The following TRIM5 variants were observed in gnomAD, a reference collection of about 807,000 sequenced individuals.
The protein encoded by TRIM5 is tripartite motif containing 5, also known as tripartite motif-containing protein 5.
A neutral mutation model predicts 35.6 loss-of-function variants in TRIM5; 31 were observed. That is an observed-to-expected ratio of 0.87 (90% CI 0.65 to 1.18). The LOEUF (loss-of-function observed/expected upper bound fraction) is 1.18. Among genes scored for constraint, TRIM5 ranks in the 50% most tolerant of loss-of-function variants. The pLI, the probability that TRIM5 is intolerant of heterozygous loss-of-function variation, is 0.00. For synonymous variants in TRIM5, 243 were observed against 215.6 expected, an observed-to-expected ratio of 1.13 and a Z score of -1.11; for missense variants, 609 against 591.6, an observed-to-expected ratio of 1.03 and a Z score of -0.31.
the TRIM5 span, chr11:5,604,756 G>C: frequency 3.1e-6 from 3 of 967,666 alleles, no homozygotes; most frequent in Admixed American, 2.9e-5. Context: ...CCCTTTGCCT[G>C]GTCCTCCACT....
intron 4 of TRIM5, among the ~76,000 whole-genome samples, chr11:5,671,759 G>C (rs1476769148): frequency 6.6e-6 from 1 of 152,004 alleles, no homozygotes; most frequent in East Asian, 1.9e-4. Flanking sequence ...TTTAAAACCT[G>C]TTTTAAGATC....
In TRIM5 at chr11:5,665,930, C is replaced by T. The variant is rs377737943; in HGVS notation, c.868+51G>A. 41 of 1,558,000 alleles carry T rather than the reference C, an allele frequency of 2.6e-5. No homozygotes were observed. The African/African-American group carries it at 5.4e-4, about 20-fold the overall frequency. On this transcript the variant is annotated intron_variant, in intron 6 of 7. Transcript: ENST00000380034. ...CTGCACCCTCTTCCCTATTTAGCAC[C>T]CTAACACCACTTGAATTCCATAACC...
chr11:5,604,477 T>C, the TRIM5 span: 1 of 1,561,186 alleles, frequency 6.4e-7, no homozygotes, highest in Non-Finnish European at 8.7e-7. Flanking sequence ...ATTCTATGTC[T>C]GGGTACTGAG....
At chr11:5,662,572 C>A (rs1372881320), downstream of TRIM5, among the ~76,000 whole-genome samples, 1 of 152,086 alleles carries the variant, frequency 6.6e-6, no homozygotes, top group Non-Finnish European at 1.5e-5. Context: ...ACTTGGCAAA[C>A]AGGAAAAATT....
the TRIM5 span, chr11:5,644,251 C>A: frequency 2.5e-6 from 1 of 398,822 alleles, no homozygotes; most frequent in East Asian, 3.6e-5. Flanking sequence ...TGAATACTTT[C>A]TCAGTTTCTT....
the TRIM5 span, among the ~76,000 whole-genome samples, chr11:5,608,868 T>TTTTTTTTTTA: frequency 2.7e-5 from 4 of 146,780 alleles, no homozygotes; most frequent in Non-Finnish European, 4.5e-5. Flanking sequence ...TTTTTTTTTT[T>TTTTTTTTTTA]GAGACAGAGT....
At chr11:5,603,114 A>T in the TRIM5 span, 1 of 1,436,638 alleles carries the variant, frequency 7.0e-7, no homozygotes, top group South Asian at 1.5e-5. Flanking sequence ...TAAAGAACGT[A>T]TTGGATATGA....
the TRIM5 span, among the ~76,000 whole-genome samples, chr11:5,620,461 A>G: frequency 3.3e-5 from 5 of 151,896 alleles, no homozygotes; most frequent in South Asian, 2.1e-4. Context: ...TCAGCCTCCT[A>G]TAGTGCTGGG....
At chr11:5,611,022 A>C in the TRIM5 span, 12 of 1,614,034 alleles carry the variant, frequency 7.4e-6, no homozygotes, top group African/African-American at 1.6e-4. Context: ...ATTCTCTTTC[A>C]ACCATTTTGC....
the TRIM5 span, among the ~76,000 whole-genome samples, chr11:5,614,985 C>A: frequency 6.6e-6 from 1 of 152,096 alleles, no homozygotes; most frequent in Non-Finnish European, 1.5e-5. Context: ...TTGATATATT[C>A]TCCATTCTAT....
the TRIM5 span, among the ~76,000 whole-genome samples, chr11:5,600,021 C>T: frequency 2.0e-5 from 3 of 152,132 alleles, no homozygotes; most frequent in Non-Finnish European, 4.4e-5. Flanking sequence ...GTGCAGTTCC[C>T]ACAGGTGTGA....
chr11:5,599,089 T>G, the TRIM5 span, among the ~76,000 whole-genome samples: 6 of 152,222 alleles, frequency 3.9e-5, no homozygotes, highest in Non-Finnish European at 5.9e-5. Context: ...TTGGGTTCTT[T>G]CACTTTGCAT....
At chr11:5,684,260 G>A (rs937446) in intron 1 of TRIM5, 41,276 of 152,426 alleles carry the variant, frequency 0.27, 6,093 homozygotes, top group Non-Finnish European at 0.33. Flanking sequence ...TTCTCTCCCC[G>A]TACTCAGTTC....
intron 1 of TRIM5, among the ~76,000 whole-genome samples, chr11:5,683,686 A>G (rs991614142): frequency 1.3e-5 from 2 of 151,882 alleles, no homozygotes; most frequent in Non-Finnish European, 2.9e-5. Context: ...TTGTGTCTAC[A>G]CTCTGTATCT....
At position 5,665,997 on chromosome 11, in the gene TRIM5, C is replaced by G; in HGVS notation, c.852G>C (p.Met284Ile). 1 of 1,611,930 alleles carries G rather than the reference C, an allele frequency of 6.2e-7. No individual in the cohort carries two copies. Among genetic ancestry groups the G allele is most frequent in the East Asian group, 2.2e-5 (1 of 44,828 alleles). Residue 284 changes from methionine (M) to isoleucine (I), a missense_variant, in exon 6 of 8, where the codon ATG becomes ATC. Transcript: ENST00000380034. Reference protein sequence around the residue: ...RVFRAPDLKGMLEVFRELTDV... With the variant: ...RVFRAPDLKGILEVFRELTDV... Reference sequence around the variant, plus strand: ...TCTCCTCACCTCTAAACACTTCTAGCATTCCTTTCAGATCAGGAGCTCGAA... The same window carrying G: ...TCTCCTCACCTCTAAACACTTCTAGGATTCCTTTCAGATCAGGAGCTCGAA...
chr11:5,616,923 G>A, the TRIM5 span, among the ~76,000 whole-genome samples: 1 of 141,264 alleles, frequency 7.1e-6, no homozygotes, highest in African/African-American at 2.6e-5. Flanking sequence ...TTTTAGTAGA[G>A]ACAGTGTTTC....
At chr11:5,594,425 T>C in the TRIM5 span, among the ~76,000 whole-genome samples, 1 of 152,062 alleles carries the variant, frequency 6.6e-6, no homozygotes, top group South Asian at 2.1e-4. Context: ...CTCCCACCTC[T>C]CAGCCTCCCA....
the TRIM5 span, chr11:5,597,003 G>C: frequency 6.3e-7 from 1 of 1,598,620 alleles, no homozygotes; most frequent in Non-Finnish European, 8.5e-7. Flanking sequence ...TTTCCCTTTC[G>C]GAACTCATTA....
chr11:5,610,014 T>G, the TRIM5 span: 1 of 860,706 alleles, frequency 1.2e-6, no homozygotes, highest in Non-Finnish European at 1.8e-6. Context: ...CAGGGCTGTT[T>G]GCAGAATGAT....
Sources: gnomAD v4.1 joint callset for allele counts (sites outside exome capture counted in the v4.1 genomes callset) on GRCh38, gnomAD v4.1.1 for gene constraint, MANE v1.5 for transcripts, NCBI Gene and HGNC (gene_info 2026-07-23, HGNC 2026-07-21) for gene names.